SNX25: variants seen among roughly 807,000 people sequenced by gnomAD.
The protein encoded by SNX25 is sorting nexin 25.
Under a neutral mutation model 113.7 loss-of-function variants are expected in SNX25, and 62 were observed. The ratio of observed to expected loss-of-function variants is 0.55; its 90% CI spans 0.44 to 0.67. The LOEUF (loss-of-function observed/expected upper bound fraction) is 0.67, where lower values mean the gene tolerates loss of function less well. SNX25 is among the 30% of genes least tolerant of loss of function. The pLI is 0.00. For synonymous variants in SNX25, 421 were observed against 436.2 expected, an observed-to-expected ratio of 0.97 and a Z score of 0.43; for missense variants, 1,014 against 1,161.0, an observed-to-expected ratio of 0.87 and a Z score of 1.84.
downstream of SNX25, chr4:185,374,492 A>T (rs529754295): frequency 6.2e-7 from 1 of 1,600,886 alleles, no homozygotes; most frequent in Non-Finnish European, 8.5e-7. Flanking sequence ...AAAAAACCCT[A>T]GTTTTTAGTT....
chr4:185,319,259 G>A (rs1451390058), intron 7 of SNX25, among the ~76,000 whole-genome samples: 1 of 141,098 alleles, frequency 7.1e-6, no homozygotes, highest in Non-Finnish European at 1.5e-5. Flanking sequence ...GTGCAATGGT[G>A]CAATCTCAGT....
chr4:185,323,714 TTTATTG>T lies in SNX25; in HGVS notation c.1665_1670del (p.Ile556_Val557del). On this transcript the variant is annotated inframe_deletion, in exon 9 of 19. Transcript: ENST00000652585. ...CCTAAAGGATAGGTATTACCCTTCATTTATTGTCAGTGACCTGTATGAGAAATTGTT... is the reference window on the plus strand; with the variant it reads ...CCTAAAGGATAGGTATTACCCTTCATTCAGTGACCTGTATGAGAAATTGTT... The T allele has an allele frequency of 1.9e-6, 3 of 1,613,774 alleles. No homozygotes were observed. Among genetic ancestry groups the T allele is most frequent in the Non-Finnish European group, 1.7e-6 (2 of 1,179,792 alleles).
intron 1 of SNX25, among the ~76,000 whole-genome samples, chr4:185,225,481 C>A (rs1007140858): frequency 2.6e-5 from 4 of 152,148 alleles, no homozygotes; most frequent in African/African-American, 9.7e-5. Flanking sequence ...GCTTTGTAAT[C>A]CTCTATGTCA....
chr4:185,339,445 A>G lies in SNX25; in HGVS notation c.1981A>G (p.Met661Val), dbSNP rs748981414. 1.7e-5 allele frequency: 27 copies of G among 1,614,038 alleles called. No homozygotes were observed. Among genetic ancestry groups the G allele is most frequent in the Non-Finnish European group, 2.2e-5 (26 of 1,180,006 alleles). The change falls in exon 11 of 19, where the codon ATG becomes GTG. Residue 661 changes from methionine (M) to valine (V), a missense_variant. Physicochemically the swap from Met to Val is conservative, Grantham distance 21. Coordinates refer to ENST00000652585, the MANE Select transcript of SNX25 (RefSeq NM_001378034.2). ...EKERTDLQLHMARTDWWCENL... is the reference protein window; with the variant it reads ...EKERTDLQLHVARTDWWCENL... ...AGAACGCACAGACCTTCAGCTGCAC[A>G]TGGCAAGAACGGATTGGTGGTGTGA... is the stretch of plus-strand genomic sequence containing the variant.
intron 5 of SNX25, among the ~76,000 whole-genome samples, chr4:185,287,022 G>T (rs1751438579): frequency 6.6e-6 from 1 of 151,598 alleles, no homozygotes; most frequent in Non-Finnish European, 1.5e-5. Context: ...TAATGTTAAA[G>T]AACTTTATTA....
At position 185,332,667 on chromosome 4, in the gene SNX25, G is replaced by C; in HGVS notation, c.1822G>C (p.Ala608Pro). The change falls in exon 10 of 19, where the codon GCT becomes CCT. Residue 608 changes from alanine (A) to proline (P), a missense_variant. Transcript: ENST00000652585. ...TCAGATCAATGAACAAGCCAGTTTTGCTGTAAACAAACTGCGAGAACTAAA... is the reference window on the plus strand; with the variant it reads ...TCAGATCAATGAACAAGCCAGTTTTCCTGTAAACAAACTGCGAGAACTAAA... ...TNQINEQASF[A>P]VNKLRELNEK... is the part of the protein sequence containing the mutation. 1.9e-6 allele frequency: 3 copies of C among 1,614,106 alleles called. No individual in the cohort carries two copies. Among genetic ancestry groups the C allele is most frequent in the Non-Finnish European group, 2.5e-6 (3 of 1,179,998 alleles).
the SNX25 span, among the ~76,000 whole-genome samples, chr4:185,375,455 C>CAAAAAAAAAAAAAAAAAAAAA: frequency 6.8e-5 from 1 of 14,770 alleles, no homozygotes; most frequent in Non-Finnish European, 1.2e-4. Context: ...GACTCCGTCT[C>CAAAAAAAAAAAAAAAAAAAAA]AAAAAAAAAA....
At chr4:185,340,645 A>C (rs1170469582) in intron 11 of SNX25, among the ~76,000 whole-genome samples, 1 of 152,218 alleles carries the variant, frequency 6.6e-6, no homozygotes, top group Non-Finnish European at 1.5e-5. Context: ...GGAGGACAGA[A>C]TACAAATTCT....
intron 6 of SNX25, among the ~76,000 whole-genome samples, chr4:185,308,072 A>T (rs965281726): frequency 1.4e-4 from 22 of 152,242 alleles, no homozygotes; most frequent in Middle Eastern, 3.4e-3. Flanking sequence ...ACCTCTCTTT[A>T]CTTTTAACTG....
intron 13 of SNX25, among the ~76,000 whole-genome samples, chr4:185,347,526 A>G (rs1187949879): frequency 6.6e-6 from 1 of 151,868 alleles, no homozygotes; most frequent in African/African-American, 2.4e-5. Flanking sequence ...GCTGGAGTGC[A>G]ATGGCGCGAT....
chr4:185,253,369 A>C (rs75173924), intron 2 of SNX25, among the ~76,000 whole-genome samples: 6,264 of 152,290 alleles, frequency 0.041, 201 homozygotes, highest in Non-Finnish European at 0.065. Flanking sequence ...GTTGCACACA[A>C]AAAAACCCAC....
At chr4:185,298,636 GTC>G (rs1231217124) in intron 6 of SNX25, among the ~76,000 whole-genome samples, 1 of 151,978 alleles carries the variant, frequency 6.6e-6, no homozygotes, top group East Asian at 1.9e-4. Context: ...CTTCCACCCT[GTC>G]TCTCTGCATT....
chr4:185,312,024 G>A (rs2095035067), intron 7 of SNX25, among the ~76,000 whole-genome samples: 1 of 152,208 alleles, frequency 6.6e-6, no homozygotes, highest in Non-Finnish European at 1.5e-5. Context: ...GCATTTTGGT[G>A]AATCAGAGAG....
At chr4:185,287,856 A>C (rs1751561642) in intron 5 of SNX25, among the ~76,000 whole-genome samples, 156 bp from the exon 6 acceptor site, 1 of 152,166 alleles carries the variant, frequency 6.6e-6, no homozygotes, top group South Asian at 2.1e-4. Flanking sequence ...GGCCTATTGT[A>C]GATGCTCGGT....
chr4:185,216,311 AT>A (rs1738803143), intron 1 of SNX25, among the ~76,000 whole-genome samples: 38 of 152,134 alleles, frequency 2.5e-4, no homozygotes, highest in Non-Finnish European at 4.9e-4. Flanking sequence ...TAATATTGGT[AT>A]GTGAACAGTG....
At chr4:185,365,857 G>A (rs953557354), downstream of SNX25, 5 of 152,040 alleles carry the variant, frequency 3.3e-5, no homozygotes, top group East Asian at 3.9e-4. Context: ...TCTCAAACCC[G>A]AGTCTGTTGA....
At chr4:185,225,624 T>C (rs557450957) in intron 1 of SNX25, among the ~76,000 whole-genome samples, 13 of 152,332 alleles carry the variant, frequency 8.5e-5, no homozygotes, top group Non-Finnish European at 1.3e-4. Flanking sequence ...ACAGGAGTTA[T>C]GTAATGTGAA....
At chr4:185,262,569 C>T (rs1747477267) in intron 3 of SNX25, among the ~76,000 whole-genome samples, 1 of 152,152 alleles carries the variant, frequency 6.6e-6, no homozygotes, top group Non-Finnish European at 1.5e-5. Context: ...CAGAACAGGA[C>T]TTGAGAGAGT....
chr4:185,255,984 G>A (rs895916683), intron 2 of SNX25, among the ~76,000 whole-genome samples: 2 of 152,096 alleles, frequency 1.3e-5, no homozygotes, highest in Non-Finnish European at 2.9e-5. Context: ...GCTACTTTTT[G>A]CAAAATCTAG....
Sources: allele counts gnomAD v4.1 joint callset (sites outside exome capture counted in the v4.1 genomes callset), GRCh38; gene constraint gnomAD v4.1.1; transcripts MANE v1.5; gene names NCBI Gene and HGNC (gene_info 2026-07-23, HGNC 2026-07-21).